Variants in STIM2 observed in about 807,000 individuals in gnomAD.
STIM2 encodes the protein stromal interaction molecule 2.
Under a neutral mutation model 85.8 loss-of-function variants are expected in STIM2, and 31 were observed. The ratio of observed to expected loss-of-function variants is 0.36; its 90% CI spans 0.27 to 0.49. The LOEUF (loss-of-function observed/expected upper bound fraction) is 0.49, where lower values mean the gene tolerates loss of function less well. Among genes scored for constraint, STIM2 ranks in the 20% least tolerant of loss-of-function variants. The pLI is 0.98. For missense variants in STIM2, 841 were observed against 927.6 expected (o/e 0.91, Z 1.21); for synonymous variants, 356 against 331.1 (o/e 1.08, Z -0.82).
At chr4:26,962,206 A>G (rs1207669863) in intron 3 of STIM2, among the ~76,000 whole-genome samples, 1 of 152,236 alleles carries the variant, frequency 6.6e-6, no homozygotes, top group East Asian at 1.9e-4. Context: ...CACTTATAAA[A>G]TGTAATTCTT....
At chr4:26,996,105 C>G (rs1577486158) in intron 4 of STIM2, among the ~76,000 whole-genome samples, 1 of 151,876 alleles carries the variant, frequency 6.6e-6, no homozygotes, top group African/African-American at 2.4e-5. Context: ...GCATTTAAAC[C>G]CAGATAGATT....
intron 1 of STIM2, among the ~76,000 whole-genome samples, chr4:26,865,325 G>C (rs1433289210): frequency 1.3e-5 from 2 of 152,112 alleles, no homozygotes; most frequent in Non-Finnish European, 2.9e-5. Context: ...GTACTCTTAA[G>C]AATACATGGC....
chr4:27,018,033 T>G (rs1577500627), intron 11 of STIM2, 49 bp downstream of exon 11: 3 of 1,596,212 alleles, frequency 1.9e-6, no homozygotes, highest in Non-Finnish European at 2.6e-6. Flanking sequence ...GGGTTGGGGG[T>G]AAGGTGTGAG....
chr4:26,916,147 C>G (rs1159664656), intron 1 of STIM2, among the ~76,000 whole-genome samples: 1 of 152,092 alleles, frequency 6.6e-6, no homozygotes, highest in Non-Finnish European at 1.5e-5. Flanking sequence ...GCTGAATTAA[C>G]TAGAAGGTAA....
At chr4:26,871,100 A>G (rs11934961) in intron 1 of STIM2, among the ~76,000 whole-genome samples, 1,654 of 152,282 alleles carry the variant, frequency 0.011, 33 homozygotes, top group African/African-American at 0.038. Flanking sequence ...GACAGAGTCA[A>G]TGCTGGGCCT....
chr4:26,867,482 A>C (rs1486375620), intron 1 of STIM2, among the ~76,000 whole-genome samples: 1 of 152,212 alleles, frequency 6.6e-6, no homozygotes, highest in Non-Finnish European at 1.5e-5. Flanking sequence ...ATTTGCCATA[A>C]AATGCTTATA....
intron 3 of STIM2, among the ~76,000 whole-genome samples, chr4:26,974,982 T>C (rs1257796695): frequency 6.6e-6 from 1 of 152,192 alleles, no homozygotes; most frequent in Admixed American, 6.5e-5. Flanking sequence ...TTTATTTCAT[T>C]ACTTTGATCT....
intron 1 of STIM2, among the ~76,000 whole-genome samples, chr4:26,902,962 G>C (rs1723981188): frequency 6.6e-6 from 1 of 152,046 alleles, no homozygotes; most frequent in Non-Finnish European, 1.5e-5. Flanking sequence ...ACCTAGATTT[G>C]TCTTTCTCTA....
intron 3 of STIM2, among the ~76,000 whole-genome samples, 178 bp downstream of exon 3, chr4:26,957,904 T>C (rs1429334448): frequency 2.6e-5 from 4 of 152,194 alleles, no homozygotes. Flanking sequence ...TTTTTATCTT[T>C]CTGAGAGTCA....
intron 10 of STIM2, among the ~76,000 whole-genome samples, chr4:27,015,701 G>A (rs547671076): frequency 1.3e-5 from 2 of 151,494 alleles, no homozygotes; most frequent in East Asian, 3.9e-4. Flanking sequence ...TAGATAAGCT[G>A]CCATTTCTCT....
intron 1 of STIM2, among the ~76,000 whole-genome samples, chr4:26,875,084 G>A (rs1395209666): frequency 6.6e-6 from 1 of 152,100 alleles, no homozygotes; most frequent in African/African-American, 2.4e-5. Flanking sequence ...TTAACTCATA[G>A]TATCAGTTAT....
chr4:26,862,188 G>A (rs911437968), intron 1 of STIM2, among the ~76,000 whole-genome samples: 5 of 152,128 alleles, frequency 3.3e-5, no homozygotes, highest in African/African-American at 1.2e-4. Flanking sequence ...GTAAGGTTAA[G>A]TGCAGAATTG....
At position 26,919,504 on chromosome 4, in the gene STIM2, A is replaced by T. The variant is rs1294709028; in HGVS notation, c.152A>T (p.Asp51Val). The change falls in exon 2 of 12, where the codon GAT becomes GTT. Residue 51 changes from aspartate (D) to valine (V), a missense_variant and splice_region_variant. Transcript: ENST00000467087. ...GTAATTGCCCTTTGTTCTCTTTCAG[A>T]TCCCTGCATGTCACTGAGTCCACCA... The T allele has an allele frequency of 6.2e-7, 1 of 1,613,282 alleles. No homozygotes were observed. Among genetic ancestry groups the T allele is most frequent in the East Asian group, 2.2e-5 (1 of 44,794 alleles).
intron 2 of STIM2, among the ~76,000 whole-genome samples, chr4:26,937,187 A>G (rs1457353529): frequency 6.6e-6 from 1 of 152,094 alleles, no homozygotes; most frequent in East Asian, 1.9e-4. Flanking sequence ...GTCAGACCAT[A>G]TGGTAATTAT....
chr4:26,938,062 T>A (rs2109079631), intron 2 of STIM2, among the ~76,000 whole-genome samples: 1 of 152,152 alleles, frequency 6.6e-6, no homozygotes, highest in African/African-American at 2.4e-5. Context: ...GCTTTTAAAA[T>A]TTTTAAATAA....
intron 3 of STIM2, among the ~76,000 whole-genome samples, chr4:26,992,761 A>T (rs1727811373): frequency 6.6e-6 from 1 of 152,088 alleles, no homozygotes; most frequent in Non-Finnish European, 1.5e-5. Flanking sequence ...GCTAATAAAA[A>T]ATGCAAGTCC....
At chr4:27,019,087 G>A (rs915001758) in intron 11 of STIM2, among the ~76,000 whole-genome samples, 1 of 152,144 alleles carries the variant, frequency 6.6e-6, no homozygotes, top group African/African-American at 2.4e-5. Flanking sequence ...AAGCAGTATG[G>A]TATTGAGTGG....
intron 1 of STIM2, among the ~76,000 whole-genome samples, chr4:26,871,281 A>C (rs528240839): frequency 3.3e-5 from 5 of 151,000 alleles, no homozygotes; most frequent in East Asian, 1.9e-4. Context: ...ACTTTAAAAA[A>C]CCCCCCTGTG....
intron 1 of STIM2, among the ~76,000 whole-genome samples, chr4:26,871,123 G>T (rs1722595494): frequency 6.6e-6 from 1 of 152,186 alleles, no homozygotes. Flanking sequence ...TCGCAGTGCA[G>T]CAGCATCCAT....
Sources: allele counts gnomAD v4.1 joint callset (sites outside exome capture counted in the v4.1 genomes callset), GRCh38; gene constraint gnomAD v4.1.1; transcripts MANE v1.5; gene names NCBI Gene and HGNC (gene_info 2026-07-23, HGNC 2026-07-21).